The following EDA variants were observed in gnomAD, a reference collection of about 807,000 sequenced individuals.
EDA encodes ectodysplasin A.
A neutral mutation model predicts 23.6 loss-of-function variants in EDA; 2 were observed. That is an observed-to-expected ratio of 0.08 (90% CI 0.03 to 0.27). EDA has a LOEUF of 0.27. EDA is among the 10% of genes least tolerant of loss of function. The probability of loss-of-function intolerance (pLI) is 1.00; values close to 1 mark genes in which losing one functional copy is unlikely to be tolerated. For synonymous variants in EDA, 131 were observed against 132.0 expected (o/e 0.99, Z 0.05); for missense variants, 229 against 324.2 (o/e 0.71, Z 2.26).
intron 2 of EDA, among the ~76,000 whole-genome samples, chrX:69,968,160 G>A (rs1328115712): frequency 1.8e-5 from 2 of 111,522 alleles, no homozygotes; most frequent in South Asian, 7.5e-4. Context: ...ATTCACAAAG[G>A]TGATAGATAA....
chrX:69,648,916 A>G (rs1477144899), intron 1 of EDA, among the ~76,000 whole-genome samples: 2 of 111,562 alleles, frequency 1.8e-5, no homozygotes, highest in Admixed American at 1.9e-4. Context: ...CTCCTGATCC[A>G]TGGGTTGCAT....
chrX:69,870,118 G>A (rs1369454346), intron 1 of EDA, among the ~76,000 whole-genome samples: 1 of 111,260 alleles, frequency 9.0e-6, no homozygotes, highest in East Asian at 2.8e-4. Context: ...CTCATGGTGG[G>A]CCATCTTTTA....
intron 1 of EDA, among the ~76,000 whole-genome samples, chrX:69,686,567 A>T (rs1453101234): frequency 9.0e-6 from 1 of 111,580 alleles, no homozygotes; most frequent in Non-Finnish European, 1.9e-5. Context: ...CTGTACCTAT[A>T]AGTAGTCACT....
chrX:69,754,766 C>G (rs2147398826), intron 1 of EDA, among the ~76,000 whole-genome samples: 1 of 111,489 alleles, frequency 9.0e-6, no homozygotes, highest in South Asian at 3.7e-4. Context: ...TCTTTTTACT[C>G]TTTTTTCTCT....
chrX:69,789,077 T>G (rs2015311231), intron 1 of EDA, among the ~76,000 whole-genome samples: 1 of 112,178 alleles, frequency 8.9e-6, no homozygotes, highest in South Asian at 3.7e-4. Flanking sequence ...TGTCACCCCT[T>G]TCTTTGAGTA....
chrX:69,818,517 A>C (rs981714321), intron 1 of EDA, among the ~76,000 whole-genome samples: 1 of 111,946 alleles, frequency 8.9e-6, no homozygotes, highest in African/African-American at 3.2e-5. Flanking sequence ...AAACACAATC[A>C]GAAATTATAA....
At chrX:69,923,610 T>G (rs761860952) in intron 1 of EDA, among the ~76,000 whole-genome samples, 43 of 112,139 alleles carry the variant, frequency 3.8e-4, no homozygotes, top group Non-Finnish European at 6.8e-4. Context: ...CATGTGCATG[T>G]GTCTTTAAAT....
At chrX:69,800,546 C>G (rs756979067) in intron 1 of EDA, among the ~76,000 whole-genome samples, 1 of 110,690 alleles carries the variant, frequency 9.0e-6, no homozygotes, top group South Asian at 3.9e-4. Context: ...AACCTGATGC[C>G]TCATTAGCCT....
chrX:69,897,358 C>A (rs1453371688), intron 1 of EDA, among the ~76,000 whole-genome samples: 3 of 111,624 alleles, frequency 2.7e-5, no homozygotes, highest in Non-Finnish European at 5.6e-5. Flanking sequence ...TATAAATGTA[C>A]CTTTCCTTTA....
chrX:69,629,270 T>C (rs1046668770), intron 1 of EDA, among the ~76,000 whole-genome samples: 1 of 111,953 alleles, frequency 8.9e-6, no homozygotes, highest in African/African-American at 3.2e-5. Context: ...CCAACCTGTC[T>C]CTTGGACCCC....
At chrX:69,946,735 G>A (rs1034989451) in intron 1 of EDA, among the ~76,000 whole-genome samples, 1 of 110,950 alleles carries the variant, frequency 9.0e-6, no homozygotes, top group African/African-American at 3.3e-5. Flanking sequence ...TATCTAGAAT[G>A]TTGTAGTCAG....
chrX:69,632,209 A>G (rs1013879566), intron 1 of EDA, among the ~76,000 whole-genome samples: 3 of 111,719 alleles, frequency 2.7e-5, no homozygotes, highest in African/African-American at 9.8e-5. Context: ...TTACTACCCC[A>G]GTAAAATCAA....
chrX:69,956,309 TTCTCTTTC>T (rs1052785379), intron 1 of EDA, among the ~76,000 whole-genome samples: 1 of 87,913 alleles, frequency 1.1e-5, no homozygotes, highest in African/African-American at 4.5e-5. Context: ...CTTTCTTTCT[TTCTCTTTC>T]TCTTTCTCTT....
At chrX:69,802,414 TATTTA>T (rs1256671023) in intron 1 of EDA, among the ~76,000 whole-genome samples, 1 of 110,369 alleles carries the variant, frequency 9.1e-6, no homozygotes, top group Non-Finnish European at 1.9e-5. Flanking sequence ...TTCAAGATGG[TATTTA>T]ATTGTTGGGC....
intron 1 of EDA, among the ~76,000 whole-genome samples, chrX:69,770,456 G>T (rs2014595471): frequency 8.9e-6 from 1 of 111,836 alleles, no homozygotes; most frequent in South Asian, 3.7e-4. Flanking sequence ...ATATCTCATT[G>T]TGGTTTGAAG....
intron 1 of EDA, among the ~76,000 whole-genome samples, chrX:69,644,045 A>C (rs769813024): frequency 9.0e-6 from 1 of 111,456 alleles, no homozygotes; most frequent in Non-Finnish European, 1.9e-5. Context: ...TGAGGCCTCC[A>C]GCTTTGTTCT....
intron 1 of EDA, among the ~76,000 whole-genome samples, chrX:69,760,360 A>G (rs2014273163): frequency 9.0e-6 from 1 of 111,611 alleles, no homozygotes; most frequent in East Asian, 2.8e-4. Flanking sequence ...ATTTGATATT[A>G]TAAATGCTTC....
intron 2 of EDA, among the ~76,000 whole-genome samples, chrX:69,992,299 A>G (rs1252091420): frequency 9.0e-6 from 1 of 111,719 alleles, no homozygotes; most frequent in Non-Finnish European, 1.9e-5. Context: ...AATTGTTTCC[A>G]GGGTATTTAG....
Position 69,645,059 on chromosome X carries a change from T to C in EDA, c.396+28355T>C, listed in dbSNP as rs1053716900. 3.6e-5 allele frequency among the ~76,000 whole-genome samples: 4 copies of C among 111,514 alleles called. 1 individual carries two copies. The highest frequency in any genetic ancestry group is 9.5e-5 in the Admixed American group (1 of 10,499). ...CACCAAGGATATTGGCCTAACGTTTTCTTTTTTTTGTTGTATCTCTGCCAG... is the reference window on the plus strand; with the variant it reads ...CACCAAGGATATTGGCCTAACGTTTCCTTTTTTTTGTTGTATCTCTGCCAG... On this transcript the variant is annotated intron_variant, in intron 1 of 7. Transcript: ENST00000374552.
Sources: gnomAD v4.1 joint callset for allele counts (sites outside exome capture counted in the v4.1 genomes callset) on GRCh38, gnomAD v4.1.1 for gene constraint, MANE v1.5 for transcripts, NCBI Gene and HGNC (gene_info 2026-07-23, HGNC 2026-07-21) for gene names.